Variants in LLGL1 observed in about 807,000 individuals in gnomAD.
The protein encoded by LLGL1 is lethal(2) giant larvae protein homolog 1.
LLGL1 carries 58 observed loss-of-function variants against 110.6 expected under a neutral mutation model. The ratio of observed to expected loss-of-function variants is 0.52; its 90% CI spans 0.42 to 0.65. The LOEUF (loss-of-function observed/expected upper bound fraction) is 0.65, where lower values mean the gene tolerates loss of function less well. LLGL1 is among the 30% of genes least tolerant of loss of function. LLGL1 has a pLI of 0.00. For missense variants in LLGL1, 1,229 were observed against 1,462.1 expected, an observed-to-expected ratio of 0.84 and a Z score of 2.60; for synonymous variants, 674 against 607.2, an observed-to-expected ratio of 1.11 and a Z score of -1.62.
Position 18,233,734 on chromosome 17 carries a change from T to C in LLGL1, c.393-44T>C, listed in dbSNP as rs923336241. 15 of 1,574,630 alleles carry C rather than the reference T, an allele frequency of 9.5e-6. 1 individual carries two copies. The Admixed American group carries it at 2.1e-4, about 22-fold the overall frequency. On this transcript the variant is annotated intron_variant, in intron 4 of 22. Coordinates refer to ENST00000316843, the MANE Select transcript of LLGL1 (RefSeq NM_004140.4). ...GCCCCTCACACCCCACCTGAGCAGGTGGATGGGCTTGTACCCTCACTCCCT... is the reference window on the plus strand; with the variant it reads ...GCCCCTCACACCCCACCTGAGCAGGCGGATGGGCTTGTACCCTCACTCCCT...
chr17:18,238,160 C>T lies in LLGL1; in HGVS notation c.1998C>T (p.Arg666=), dbSNP rs1180569179. 1 of 1,613,366 alleles carries T rather than the reference C, an allele frequency of 6.2e-7. No individual in the cohort carries two copies. The highest frequency in any genetic ancestry group is 1.3e-5 in the African/African-American group (1 of 74,948). Residue 666 remains arginine (R), a synonymous_variant, in exon 15 of 23, where the codon CGC becomes CGT. Coordinates refer to ENST00000316843, the MANE Select transcript of LLGL1 (RefSeq NM_004140.4). ...LKKSLRQSFR[R]IRKSRVSGKK... ...AGTCACTGCGCCAGTCTTTCCGGCG[C>T]ATTCGCAAGAGTCGTGTCTCTGGCA...
intron 7 of LLGL1, 68 bp downstream of exon 7, chr17:18,234,476 T>C: frequency 1.3e-6 from 2 of 1,593,304 alleles, no homozygotes; most frequent in Non-Finnish European, 1.7e-6. Flanking sequence ...CAAGCCAAAC[T>C]GGCTGAGGAG....
Position 18,237,555 on chromosome 17 carries a change from C to A in LLGL1, c.1686C>A (p.Asp562Glu), listed in dbSNP as rs760402511. 7 of 1,609,576 alleles carry A rather than the reference C, an allele frequency of 4.3e-6. No homozygotes were observed. Among genetic ancestry groups the A allele is most frequent in the Non-Finnish European group, 5.9e-6 (7 of 1,178,756 alleles). ...TGGCCATCATAGACCTCCTCCAGGA[C>A]CGCGAGGGCTTCACATGGAAGGGCC... ...VSVAIIDLLQ[D>E]REGFTWKGHE... Residue 562 changes from aspartate to glutamate, a missense_variant, in exon 14 of 23, where the codon GAC (aspartate) becomes GAA (glutamate). Transcript: ENST00000316843.
rs750849237 is a variant in LLGL1 at position 18,240,753 on chromosome 17, C to T, written c.2382C>T (p.Ala794=). 481 of 1,611,154 alleles carry T rather than the reference C, an allele frequency of 3.0e-4. No homozygotes were observed. Among genetic ancestry groups the T allele is most frequent in the Non-Finnish European group, 3.9e-4 (460 of 1,178,838 alleles). ...ACCGGGCGCCTGTGGTGGCCATTGC[C>T]GTGTTGGACGGGCGTGGCCGCCCAC... ...LMHRAPVVAI[A]VLDGRGRPLP... The change falls in exon 17 of 23, where the codon GCC becomes GCT. Residue 794 remains alanine (A), a synonymous_variant. Transcript: ENST00000316843. This position sits in a 1 kb window ranked among gnomAD's most constrained non-coding sequence, Gnocchi z 5.3.
chr17:18,240,350 C>T lies in LLGL1; in HGVS notation c.2207-228C>T, dbSNP rs559258165. On this transcript the variant is annotated intron_variant, in intron 16 of 22. Coordinates refer to ENST00000316843, the MANE Select transcript of LLGL1 (RefSeq NM_004140.4). This position sits in a 1 kb window ranked among gnomAD's most constrained non-coding sequence, Gnocchi z 5.3. ...TCGGGCCTCTGCAGGAGGGCTGCATCCTGGGCTCCGACTGCAGTCAGCAGC... is the reference window on the plus strand; with the variant it reads ...TCGGGCCTCTGCAGGAGGGCTGCATTCTGGGCTCCGACTGCAGTCAGCAGC... 1.3e-5 allele frequency among the ~76,000 whole-genome samples: 2 copies of T among 152,254 alleles called. No individual in the cohort carries two copies. Among genetic ancestry groups the T allele is most frequent in the South Asian group, 2.1e-4 (1 of 4,826 alleles).
chr17:18,232,962 T>A (rs1242293544), intron 4 of LLGL1, among the ~76,000 whole-genome samples, 160 bp downstream of exon 4: 1 of 152,208 alleles, frequency 6.6e-6, no homozygotes, highest in Non-Finnish European at 1.5e-5. Flanking sequence ...GGACCCTGCT[T>A]TACTGAGGTA....
Position 18,234,917 on chromosome 17 carries a change from C to A in LLGL1, c.984C>A (p.Ala328=). 1 of 1,614,066 alleles carries A rather than the reference C, an allele frequency of 6.2e-7. No homozygotes were observed. The highest frequency in any genetic ancestry group is 1.3e-5 in the African/African-American group (1 of 75,018). ...GCCACTGTGTAAGTGTGCTTCGAGC[C>A]GAGACATTGGTGACGCTGGACTTCA... is the stretch of plus-strand genomic sequence containing the variant. ...GDRHCVSVLR[A]ETLVTLDFTS... Residue 328 remains alanine (A), a synonymous_variant, in exon 9 of 23, where the codon GCC becomes GCA. Coordinates refer to ENST00000316843, the MANE Select transcript of LLGL1 (RefSeq NM_004140.4).
chr17:18,232,464 G>T, intron 2 of LLGL1, 31 bp from the exon 3 acceptor site: 1 of 1,596,996 alleles, frequency 6.3e-7, no homozygotes, highest in Non-Finnish European at 8.6e-7. Context: ...GCTGGTCTAT[G>T]CCTATTTCCA....
In LLGL1 at chr17:18,234,959, C is replaced by A. The variant is rs763070749; in HGVS notation, c.1026C>A (p.Asp342Glu). The part of the protein sequence containing the change: ...VTLDFTSRII[D>E]FFTVHSTRPE... ...TGGACTTCACTTCCCGCATCATCGACTTCTTCACAGTGCACAGCACACGGC... is the reference window on the plus strand; with the variant it reads ...TGGACTTCACTTCCCGCATCATCGAATTCTTCACAGTGCACAGCACACGGC... The change falls in exon 9 of 23, where the codon GAC becomes GAA. Residue 342 changes from aspartate (D) to glutamate (E), a missense_variant. Physicochemically the swap from Asp to Glu is conservative, Grantham distance 45. Transcript: ENST00000316843. 1.3e-5 allele frequency: 21 copies of A among 1,614,116 alleles called. No individual in the cohort carries two copies. Among genetic ancestry groups the A allele is most frequent in the Admixed American group, 3.3e-5 (2 of 60,018 alleles).
intron 20 of LLGL1, 90 bp downstream of exon 20, chr17:18,242,368 G>A: frequency 5.8e-6 from 9 of 1,542,136 alleles, no homozygotes; most frequent in South Asian, 1.1e-5. Context: ...GATCGGGCAG[G>A]CTTCTGTAGG....
chr17:18,233,748 C>T, intron 4 of LLGL1, 30 bp from the exon 5 acceptor site: 1 of 1,595,254 alleles, frequency 6.3e-7, no homozygotes, highest in South Asian at 1.1e-5. Context: ...TGGGCTTGTA[C>T]CCTCACTCCC....
At chr17:18,235,868 G>A in intron 11 of LLGL1, 1 of 323,682 alleles carries the variant, frequency 3.1e-6, no homozygotes, top group Non-Finnish European at 5.7e-6. Context: ...GGGCCTGGCG[G>A]GCGCTGACGT....
At chr17:18,227,949 T>G (rs2142540829) in intron 1 of LLGL1, among the ~76,000 whole-genome samples, 2 of 152,010 alleles carry the variant, frequency 1.3e-5, no homozygotes, top group Middle Eastern at 6.8e-3. Flanking sequence ...AGGTCAGGAG[T>G]GAGCAGGGAC....
Position 18,234,167 on chromosome 17 carries a change from G to T in LLGL1, c.706G>T (p.Gly236Trp). The T allele has an allele frequency of 1.9e-6, 3 of 1,601,538 alleles. No homozygotes were observed. The highest frequency in any genetic ancestry group is 2.6e-6 in the Non-Finnish European group (3 of 1,171,596). Residue 236 changes from glycine to tryptophan, a missense_variant, in exon 6 of 23, where the codon GGG becomes TGG. Coordinates refer to ENST00000316843, the MANE Select transcript of LLGL1 (RefSeq NM_004140.4). Reference protein sequence around the residue: ...ASQCVDHIFLGNQQLESLCWG... With the variant: ...ASQCVDHIFLWNQQLESLCWG... ...GCAGTGTGTGGACCACATCTTCCTG[G>T]GGAACCAGGTATGTAGGTGAGGCCT...
chr17:18,237,408 G>T, intron 13 of LLGL1, 73 bp from the exon 14 acceptor site: 2 of 1,419,430 alleles, frequency 1.4e-6, no homozygotes, highest in Non-Finnish European at 1.9e-6. Flanking sequence ...TGCTTCAGAG[G>T]CTCCAGGCTG....
At position 18,225,660 on chromosome 17, in the gene LLGL1, A is replaced by G. The variant is rs987494037; in HGVS notation, c.-23A>G. 6 of 978,624 alleles carry G rather than the reference A, an allele frequency of 6.1e-6. No individual in the cohort carries two copies. The Admixed American group carries it at 1.9e-4, about 31-fold the overall frequency. 60.6% of individuals were successfully genotyped at this position (978,624 alleles called of 1,614,324 possible). A position where few individuals can be genotyped will look rare whatever the true frequency, so the allele number is the denominator to read the frequency against. ...ATCCTGCGGGCGGCGGCGGCGGGCG[A>G]GGCGCCTGCAGCCGGGCGCAAGATG... On this transcript the variant is annotated 5_prime_UTR_variant, in exon 1 of 23. Coordinates refer to ENST00000316843, the MANE Select transcript of LLGL1 (RefSeq NM_004140.4).
At chr17:18,226,473 C>T (rs1265763299) in intron 1 of LLGL1, among the ~76,000 whole-genome samples, 1 of 152,200 alleles carries the variant, frequency 6.6e-6, no homozygotes, top group Non-Finnish European at 1.5e-5. Context: ...GGAGCCTCTC[C>T]TTCCTTCCCC....
chr17:18,242,872 C>A, intron 22 of LLGL1, 50 bp downstream of exon 22: 1 of 1,480,428 alleles, frequency 6.8e-7, no homozygotes, highest in Non-Finnish European at 9.0e-7. Flanking sequence ...CGTCCACCCC[C>A]TTCAGCCCGT....
At chr17:18,235,640 C>CCA in intron 11 of LLGL1, 103 bp downstream of exon 11, 5 of 1,146,166 alleles carry the variant, frequency 4.4e-6, no homozygotes, top group Non-Finnish European at 6.2e-6. Context: ...CAGGCCTGGC[C>CCA]CCTGGTGGGA....
Sources: allele counts gnomAD v4.1 joint callset (sites outside exome capture counted in the v4.1 genomes callset), GRCh38; gene constraint gnomAD v4.1.1; non-coding constraint Gnocchi (gnomAD v3.1); transcripts MANE v1.5; gene names NCBI Gene and HGNC (gene_info 2026-07-23, HGNC 2026-07-21).